Variants in ANO4 observed in about 807,000 individuals in gnomAD.
ANO4 encodes anoctamin-4.
Under a neutral mutation model 141.9 loss-of-function variants are expected in ANO4, and 69 were observed. That is an observed-to-expected ratio of 0.49 (90% CI 0.40 to 0.59). The LOEUF is 0.59. ANO4 is among the 20% of genes least tolerant of loss of function. ANO4 has a pLI of 0.00. For missense variants in ANO4, 894 were observed against 1,162.2 expected (o/e 0.77, Z 3.36); for synonymous variants, 350 against 394.3 (o/e 0.89, Z 1.33).
At chr12:100,982,616 G>A (rs2044523356) in intron 7 of ANO4, among the ~76,000 whole-genome samples, 1 of 152,192 alleles carries the variant, frequency 6.6e-6, no homozygotes, top group Non-Finnish European at 1.5e-5. Context: ...CCAAGGCATT[G>A]TGTAAGCACT....
At chr12:100,861,094 C>T (rs1440045057) in intron 1 of ANO4, among the ~76,000 whole-genome samples, 1 of 152,194 alleles carries the variant, frequency 6.6e-6, no homozygotes, top group South Asian at 2.1e-4. Context: ...TATTTATCAC[C>T]ACCCATGTCC....
chr12:100,930,400 G>A (rs929070947), intron 3 of ANO4, among the ~76,000 whole-genome samples: 2 of 151,988 alleles, frequency 1.3e-5, no homozygotes, highest in African/African-American at 2.4e-5. Context: ...TTCTGTGTAT[G>A]GATATCCAGT....
At chr12:101,040,405 G>T (rs1013384573) in intron 11 of ANO4, among the ~76,000 whole-genome samples, 1 of 152,220 alleles carries the variant, frequency 6.6e-6, no homozygotes, top group African/African-American at 2.4e-5. Flanking sequence ...TTGTACAAAG[G>T]TAACACTGCT....
intron 22 of ANO4, 131 bp from the exon 23 acceptor site, chr12:101,110,273 A>C: frequency 1.7e-4 from 151 of 890,802 alleles, no homozygotes; most frequent in Non-Finnish European, 2.1e-4. Flanking sequence ...TCTTTCTGGA[A>C]GAGATATCCC....
Position 100,741,278 on chromosome 12 carries a change from G to T in ANO4, c.358+1173G>T, listed in dbSNP as rs184819942. 3.3e-5 allele frequency among the ~76,000 whole-genome samples: 5 copies of T among 151,706 alleles called. No individual in the cohort carries two copies. The East Asian group carries it at 9.6e-4, about 29-fold the overall frequency. On this transcript the variant is annotated intron_variant, in intron 3 of 29. Transcript: ENST00000644049. ...AAATCTTTGAATGTTGGGATACCAC[G>T]ACACTCAACAATTTATAGATGCTGC... is the stretch of plus-strand genomic sequence containing the variant.
chr12:101,061,418 A>G (rs1018428198), intron 14 of ANO4, among the ~76,000 whole-genome samples: 3 of 151,812 alleles, frequency 2.0e-5, no homozygotes, highest in African/African-American at 7.3e-5. Flanking sequence ...CTGAATTTGA[A>G]TGTTGGCCTG....
intron 1 of ANO4, among the ~76,000 whole-genome samples, chr12:100,801,551 C>G (rs1197758128): frequency 6.0e-5 from 9 of 150,216 alleles, no homozygotes. Flanking sequence ...AAGCCACAAA[C>G]TAGTGAGGGT....
intron 3 of ANO4, among the ~76,000 whole-genome samples, chr12:100,938,299 A>G (rs1049553276): frequency 6.6e-6 from 1 of 152,236 alleles, no homozygotes; most frequent in African/African-American, 2.4e-5. Context: ...CCACAAGGGC[A>G]GGAAGCCAGG....
chr12:101,015,558 C>T (rs2046283278), intron 8 of ANO4, among the ~76,000 whole-genome samples: 1 of 152,106 alleles, frequency 6.6e-6, no homozygotes, highest in Non-Finnish European at 1.5e-5. Context: ...ATAACCCATG[C>T]CATAATGAAC....
In ANO4 at chr12:101,043,600, T is replaced by C. The variant is rs1274696157; in HGVS notation, c.1216T>C (p.Phe406Leu). Residue 406 changes from phenylalanine to leucine, a missense_variant, in exon 13 of 28, where the codon TTC (phenylalanine) becomes CTC (leucine). Phe to Leu is a conservative substitution (Grantham distance 22). Transcript: ENST00000392977. Reference protein sequence around the residue: ...MCPVCDKYCPFMRLSDSCVYA... With the variant: ...MCPVCDKYCPLMRLSDSCVYA... The stretch of plus-strand genomic sequence containing the variant: ...TCCTGTGTGTGATAAATACTGTCCA[T>C]TCATGAGGCTGTCAGACAGCTGTGT... 6.2e-7 allele frequency: 1 copy of C among 1,613,672 alleles called. No individual in the cohort carries two copies. The highest frequency in any genetic ancestry group is 8.5e-7 in the Non-Finnish European group (1 of 1,179,706).
chr12:100,979,481 A>C (rs1665539924), intron 7 of ANO4, among the ~76,000 whole-genome samples: 1 of 152,132 alleles, frequency 6.6e-6, no homozygotes, highest in African/African-American at 2.4e-5. Context: ...GTGGAGGATA[A>C]TGGAAACCAA....
In ANO4 at chr12:100,835,798, A is replaced by G. The variant is rs148762595; in HGVS notation, c.-141+40771A>G. On this transcript the variant is annotated intron_variant, in intron 1 of 27. Coordinates refer to ENST00000392977, the MANE Select transcript of ANO4 (RefSeq NM_001286615.2). ...TGATAATTTGGATTTTTCTATTGCA[A>G]CTGCTACTGCCATCTAGTATTATCT... is the stretch of plus-strand genomic sequence containing the variant. Among the ~76,000 whole-genome samples the G allele has an allele frequency of 1.7e-3, 263 of 152,190 alleles. 1 individual carries two copies. Among genetic ancestry groups the G allele is most frequent in the African/African-American group, 5.9e-3 (245 of 41,542 alleles).
At chr12:101,017,197 T>C (rs747975749) in intron 8 of ANO4, among the ~76,000 whole-genome samples, 1 of 152,114 alleles carries the variant, frequency 6.6e-6, no homozygotes, top group East Asian at 1.9e-4. Flanking sequence ...TGGTGGAAGA[T>C]GAAGGAGGAG....
chr12:100,742,468 A>T (rs776756688), intron 3 of ANO4, among the ~76,000 whole-genome samples: 1 of 152,116 alleles, frequency 6.6e-6, no homozygotes, highest in Non-Finnish European at 1.5e-5. Flanking sequence ...CTGAGGTGAG[A>T]TAAGTCAGTT....
At chr12:100,952,092 A>G (rs2136208891) in intron 5 of ANO4, among the ~76,000 whole-genome samples, 1 of 152,298 alleles carries the variant, frequency 6.6e-6, no homozygotes, top group South Asian at 2.1e-4. Flanking sequence ...TAGCGCTTCC[A>G]TTCTTTTATC....
At chr12:100,843,987 C>CTTCATTCATTCA (rs371132889) in intron 1 of ANO4, among the ~76,000 whole-genome samples, 1 of 151,852 alleles carries the variant, frequency 6.6e-6, no homozygotes, top group South Asian at 2.1e-4. Context: ...GATGGCTGTG[C>CTTCATTCATTCA]TTCATTCATT....
chr12:100,960,039 G>T (rs904114037), intron 5 of ANO4, among the ~76,000 whole-genome samples: 2 of 152,070 alleles, frequency 1.3e-5, no homozygotes, highest in Admixed American at 6.6e-5. Context: ...TGCCTCTGGG[G>T]CAGGGAAACA....
rs145608110 is a variant in ANO4 at position 100,854,485 on chromosome 12, G to A, written c.-140-47161G>A. ...CTCCTCTTTTATTTTTAGAATTTAT[G>A]TATACACAGCATTGAGTATTCTGTG... On this transcript the variant is annotated intron_variant, in intron 1 of 27. Transcript: ENST00000392977. 1.8e-4 allele frequency among the ~76,000 whole-genome samples: 28 copies of A among 152,096 alleles called. No homozygotes were observed. The East Asian group carries it at 5.0e-3, about 27-fold the overall frequency.
intron 8 of ANO4, among the ~76,000 whole-genome samples, chr12:100,988,152 A>G (rs1197814578): frequency 6.6e-6 from 1 of 152,148 alleles, no homozygotes; most frequent in Non-Finnish European, 1.5e-5. Context: ...AGGAAAAGCC[A>G]CATCACCTGG....
Sources: gnomAD v4.1 joint callset for allele counts (sites outside exome capture counted in the v4.1 genomes callset) on GRCh38, gnomAD v4.1.1 for gene constraint, MANE v1.5 for transcripts, NCBI Gene and HGNC (gene_info 2026-07-23, HGNC 2026-07-21) for gene names.